MAGI2: variants seen among roughly 807,000 people sequenced by gnomAD.
MAGI2 encodes the protein membrane-associated guanylate kinase, WW and PDZ domain-containing protein 2.
MAGI2 carries 35 observed loss-of-function variants against 133.3 expected under a neutral mutation model. The ratio of observed to expected loss-of-function variants is 0.26; its 90% confidence interval spans 0.20 to 0.35. The LOEUF (loss-of-function observed/expected upper bound fraction) is 0.35. MAGI2 is among the 10% of genes least tolerant of loss of function. The pLI, the probability that MAGI2 is intolerant of heterozygous loss-of-function variation, is 1.00. For synonymous variants in MAGI2, 729 were observed against 710.6 expected (o/e 1.03, Z -0.41); for missense variants, 1,636 against 1,863.4 (o/e 0.88, Z 2.25).
chr7:79,208,116 T>C (rs941925261), intron 1 of MAGI2, among the ~76,000 whole-genome samples: 8 of 151,896 alleles, frequency 5.3e-5, no homozygotes, highest in African/African-American at 1.9e-4. Flanking sequence ...CTGCATGACA[T>C]TGGACTGGGC....
chr7:79,416,123 GT>G (rs1339319928), intron 1 of MAGI2, among the ~76,000 whole-genome samples: 3 of 152,092 alleles, frequency 2.0e-5, no homozygotes, highest in African/African-American at 7.2e-5. Flanking sequence ...GTTGCTAAGT[GT>G]TTATATCCTA....
At chr7:78,065,563 AT>A in intron 21 of MAGI2, 1 of 677,536 alleles carries the variant, frequency 1.5e-6, no homozygotes, top group South Asian at 1.6e-5. Flanking sequence ...ATTCATGCAG[AT>A]TTTACAAACC....
intron 1 of MAGI2, among the ~76,000 whole-genome samples, chr7:79,099,515 G>A (rs898580311): frequency 6.6e-6 from 1 of 151,890 alleles, no homozygotes; most frequent in African/African-American, 2.4e-5. Context: ...ACACATGAAG[G>A]TCTGTTATAT....
At chr7:78,621,613 AAAGGCTTTAAGAATC>A (rs749543296) in intron 3 of MAGI2, among the ~76,000 whole-genome samples, 1 of 152,010 alleles carries the variant, frequency 6.6e-6, no homozygotes, top group Non-Finnish European at 1.5e-5. Context: ...GAAGCAGAAG[AAAGGCTTTAAGAATC>A]AACTAAAACC....
chr7:78,797,209 A>G (rs535998752), intron 2 of MAGI2, among the ~76,000 whole-genome samples: 1 of 152,316 alleles, frequency 6.6e-6, no homozygotes, highest in African/African-American at 2.4e-5. Context: ...TGATCATTCA[A>G]TATCGTAGAC....
At chr7:78,328,530 C>CACACACACACACACACACACATA (rs10525463) in intron 9 of MAGI2, among the ~76,000 whole-genome samples, 2 of 124,726 alleles carry the variant, frequency 1.6e-5, no homozygotes, top group Non-Finnish European at 3.3e-5. Context: ...CACACACACA[C>CACACACACACACACACACACATA]CCCTCTCTCT....
intron 2 of MAGI2, among the ~76,000 whole-genome samples, chr7:78,732,152 G>A (rs1346727434): frequency 5.9e-5 from 9 of 152,064 alleles, no homozygotes; most frequent in South Asian, 2.1e-4. Context: ...CATCATCTCC[G>A]TCCTGCTGTT....
chr7:78,671,326 T>A (rs919813845), intron 2 of MAGI2, among the ~76,000 whole-genome samples: 6 of 151,444 alleles, frequency 4.0e-5, no homozygotes, highest in South Asian at 2.1e-4. Flanking sequence ...TTTCTTCCCC[T>A]AAGGAAACAT....
In MAGI2 at chr7:78,436,223, C is replaced by T. The variant is rs73701492; in HGVS notation, c.1045+53538G>A. Among the ~76,000 whole-genome samples the T allele has an allele frequency of 4.5e-3, 687 of 152,132 alleles. 4 individuals are homozygous for T. Among genetic ancestry groups the T allele is most frequent in the African/African-American group, 0.015 (634 of 41,510 alleles). ...GGAAGGCCCTGCTTTAGAAATGAGC[C>T]CTTTTTTTGTAGGTTCCTGCCAGTG... On this transcript the variant is annotated intron_variant, in intron 6 of 21. Coordinates refer to ENST00000354212, the MANE Select transcript of MAGI2 (RefSeq NM_012301.4).
intron 6 of MAGI2, among the ~76,000 whole-genome samples, chr7:78,469,413 C>G (rs1232415137): frequency 6.6e-6 from 1 of 152,140 alleles, no homozygotes; most frequent in Non-Finnish European, 1.5e-5. Context: ...AAATAACCTC[C>G]ACTTAACATC....
intron 1 of MAGI2, among the ~76,000 whole-genome samples, chr7:79,185,772 G>T (rs1431583337): frequency 6.6e-6 from 1 of 151,714 alleles, no homozygotes; most frequent in Non-Finnish European, 1.5e-5. Context: ...TAACATTATG[G>T]ATTCTTCTTA....
intron 10 of MAGI2, among the ~76,000 whole-genome samples, chr7:78,236,212 C>T (rs972623731): frequency 6.6e-6 from 1 of 151,960 alleles, no homozygotes; most frequent in African/African-American, 2.4e-5. Flanking sequence ...GCACCTGGCA[C>T]ATTTATGGAA....
chr7:79,422,405 ATACTT>A (rs1356583905), intron 1 of MAGI2, among the ~76,000 whole-genome samples: 4 of 151,996 alleles, frequency 2.6e-5, no homozygotes, highest in African/African-American at 9.7e-5. Context: ...TAGCTACAGA[ATACTT>A]TATATTTTAT....
At chr7:78,175,616 GC>G (rs1225605207) in intron 14 of MAGI2, among the ~76,000 whole-genome samples, 1 of 152,158 alleles carries the variant, frequency 6.6e-6, no homozygotes, top group Non-Finnish European at 1.5e-5. Flanking sequence ...ACATGGTGGG[GC>G]CCCCAGATTC....
chr7:79,062,475 T>C (rs1228401869), intron 1 of MAGI2, among the ~76,000 whole-genome samples: 1 of 152,152 alleles, frequency 6.6e-6, no homozygotes, highest in Non-Finnish European at 1.5e-5. Context: ...CATCCTTGTT[T>C]TCTGTTCTTC....
In MAGI2 at chr7:79,249,198, G is replaced by A. The variant is rs185116086; in HGVS notation, c.301+203822C>T. Among the ~76,000 whole-genome samples the A allele has an allele frequency of 5.3e-4, 81 of 152,112 alleles. No homozygotes were observed. The East Asian group carries it at 6.2e-3, about 12-fold the overall frequency. ...CAGTACTAATAGAAAAGTTTATGGC[G>A]ATAAGTACCTGCATCAAAAAAGTAG... On this transcript the variant is annotated intron_variant, in intron 1 of 21. Transcript: ENST00000354212.
chr7:78,497,878 G>A (rs994215219), intron 5 of MAGI2, among the ~76,000 whole-genome samples: 1 of 151,972 alleles, frequency 6.6e-6, no homozygotes, highest in African/African-American at 2.4e-5. Flanking sequence ...TAATTAAAGG[G>A]TGGGACCTGC....
In MAGI2 at chr7:78,381,183, C is replaced by T. The variant is rs1474589631; in HGVS notation, c.1046-11970G>A. 2.6e-5 allele frequency among the ~76,000 whole-genome samples: 4 copies of T among 152,122 alleles called. 1 individual carries two copies. The highest frequency in any genetic ancestry group is 2.6e-4 in the Admixed American group (4 of 15,262). Reference sequence around the variant, plus strand: ...CCAACATGGCGAAACCTTGTCTCTACTAAAAATACAAAAATTAGCTGGCCG... The same window carrying T: ...CCAACATGGCGAAACCTTGTCTCTATTAAAAATACAAAAATTAGCTGGCCG... On this transcript the variant is annotated intron_variant, in intron 6 of 21. Coordinates refer to ENST00000354212, the MANE Select transcript of MAGI2 (RefSeq NM_012301.4).
At chr7:78,263,982 G>C (rs886534892) in intron 9 of MAGI2, among the ~76,000 whole-genome samples, 38 of 152,070 alleles carry the variant, frequency 2.5e-4, no homozygotes, top group African/African-American at 8.2e-4. Flanking sequence ...CAAGCTGCTC[G>C]TTACCCTTTA....
Sources: gnomAD v4.1 joint callset for allele counts (sites outside exome capture counted in the v4.1 genomes callset) on GRCh38, gnomAD v4.1.1 for gene constraint, MANE v1.5 for transcripts, NCBI Gene and HGNC (gene_info 2026-07-23, HGNC 2026-07-21) for gene names.